ARHGAP24: variants seen among roughly 807,000 people sequenced by gnomAD.
The protein encoded by ARHGAP24 is Rho GTPase activating protein 24, also known as rho GTPase-activating protein 24.
ARHGAP24 carries 50 observed loss-of-function variants against 76.4 expected under a neutral mutation model. The observed-to-expected ratio is 0.65, with a 90% CI of 0.52 to 0.83. ARHGAP24 has a LOEUF of 0.83. Among genes scored for constraint, ARHGAP24 ranks in the 40% least tolerant of loss-of-function variants. ARHGAP24 has a pLI of 0.00. For missense variants in ARHGAP24, 930 were observed against 914.2 expected (o/e 1.02, Z -0.22); for synonymous variants, 345 against 323.3 (o/e 1.07, Z -0.72).
chr4:85,753,746 A>G (rs1030494304), intron 3 of ARHGAP24, among the ~76,000 whole-genome samples: 1 of 152,166 alleles, frequency 6.6e-6, no homozygotes, highest in African/African-American at 2.4e-5. Context: ...TGTGCTTATT[A>G]AGCAATGTCT....
At chr4:85,718,847 G>A (rs895734992) in intron 2 of ARHGAP24, among the ~76,000 whole-genome samples, 2 of 152,174 alleles carry the variant, frequency 1.3e-5, no homozygotes, top group African/African-American at 2.4e-5. Flanking sequence ...ACAAAGGATA[G>A]CATTACTTGG....
intron 3 of ARHGAP24, among the ~76,000 whole-genome samples, chr4:85,785,590 T>G (rs1727800613): frequency 6.6e-6 from 1 of 152,192 alleles, no homozygotes; most frequent in Admixed American, 6.6e-5. Flanking sequence ...ATAAACACTT[T>G]CCTTTGTTCA....
chr4:85,787,968 TAAG>T (rs1486622888), intron 3 of ARHGAP24, among the ~76,000 whole-genome samples: 2 of 152,142 alleles, frequency 1.3e-5, no homozygotes, highest in Non-Finnish European at 2.9e-5. Context: ...AATGGGTGTC[TAAG>T]AAGATGTGTC....
intron 1 of ARHGAP24, among the ~76,000 whole-genome samples, chr4:85,503,381 C>T (rs10003677): frequency 0.68 from 103,320 of 152,012 alleles, 36,608 homozygotes; most frequent in East Asian, 0.86. Flanking sequence ...TTAATTATTG[C>T]CTCAATTTCA....
intron 2 of ARHGAP24, among the ~76,000 whole-genome samples, chr4:85,628,306 G>A (rs1482312461): frequency 1.3e-5 from 2 of 152,140 alleles, no homozygotes; most frequent in African/African-American, 4.8e-5. Flanking sequence ...AATTTCTCCT[G>A]TCATTGATTT....
intron 2 of ARHGAP24, among the ~76,000 whole-genome samples, chr4:85,694,219 C>T (rs1723786344): frequency 6.6e-6 from 1 of 152,038 alleles, no homozygotes; most frequent in Non-Finnish European, 1.5e-5. Flanking sequence ...TCTAGTCAGC[C>T]ATCTTGTCCC....
At chr4:85,511,228 A>C (rs4611924) in intron 1 of ARHGAP24, among the ~76,000 whole-genome samples, 25,366 of 152,090 alleles carry the variant, frequency 0.17, 2,741 homozygotes, top group African/African-American at 0.3. Flanking sequence ...TGTCTTCTGG[A>C]GATCTTTATG....
At chr4:85,835,427 G>T (rs1268570900) in intron 3 of ARHGAP24, among the ~76,000 whole-genome samples, 2 of 151,476 alleles carry the variant, frequency 1.3e-5, no homozygotes, top group Non-Finnish European at 2.9e-5. Flanking sequence ...AGGCGTGGTG[G>T]CGGGCGTCTG....
chr4:85,903,277 A>C (rs1734601016), intron 3 of ARHGAP24, among the ~76,000 whole-genome samples: 1 of 152,206 alleles, frequency 6.6e-6, no homozygotes, highest in African/African-American at 2.4e-5. Flanking sequence ...ATTTTCTGAT[A>C]AATGCTAGAC....
intron 3 of ARHGAP24, among the ~76,000 whole-genome samples, chr4:85,752,888 A>G (rs1166487372): frequency 6.6e-6 from 1 of 152,240 alleles, no homozygotes; most frequent in East Asian, 1.9e-4. Flanking sequence ...ATCTGGCACT[A>G]GAGATACTTA....
rs138568771 is a variant in ARHGAP24 at position 85,974,888 on chromosome 4, G to A, written c.733G>A (p.Gly245Ser). Residue 245 changes from glycine to serine, a missense_variant and splice_region_variant, in exon 7 of 10, where the codon GGT (glycine) becomes AGT (serine). Gly to Ser is a moderately conservative substitution (Grantham distance 56, BLOSUM62 0). Transcript: ENST00000395184. The part of the protein sequence containing the change: ...AKLLSKEEEA[G>S]VKELAKQVKS... ...TATTTATTTTCTTCTTTGTACTCAGGGTGTTAAGGAATTAGCAAAGCAGGT... is the reference window on the plus strand; with the variant it reads ...TATTTATTTTCTTCTTTGTACTCAGAGTGTTAAGGAATTAGCAAAGCAGGT... The A allele has an allele frequency of 2.7e-5, 43 of 1,613,170 alleles. No homozygotes were observed. The highest frequency in any genetic ancestry group is 3.4e-5 in the Non-Finnish European group (40 of 1,179,530).
chr4:85,521,003 G>T (rs1396412110), intron 1 of ARHGAP24, among the ~76,000 whole-genome samples: 3 of 152,130 alleles, frequency 2.0e-5, no homozygotes, highest in Non-Finnish European at 4.4e-5. Context: ...TAGTTTAGAA[G>T]TTATTTTGTA....
At chr4:85,899,838 A>G (rs376752091) in intron 3 of ARHGAP24, among the ~76,000 whole-genome samples, 71 of 152,332 alleles carry the variant, frequency 4.7e-4, no homozygotes, top group African/African-American at 1.6e-3. Context: ...ACTTGAGCCT[A>G]AGAGTTTGAA....
rs568665826 is a variant in ARHGAP24 at position 85,886,479 on chromosome 4, A to G, written c.269-37169A>G. ...GGTGGTCCTGAAAGTACTAAGCCTT[A>G]TCATCATAGACCAGGCTTGTGTGTT... On this transcript the variant is annotated intron_variant, in intron 3 of 9. Transcript: ENST00000395184. 3.3e-4 allele frequency among the ~76,000 whole-genome samples: 51 copies of G among 152,280 alleles called. No homozygotes were observed. The South Asian group carries it at 0.011, about 32-fold the overall frequency.
chr4:85,673,877 C>G (rs1005706656), intron 2 of ARHGAP24, among the ~76,000 whole-genome samples: 1 of 151,844 alleles, frequency 6.6e-6, no homozygotes, highest in Admixed American at 6.6e-5. Context: ...TTTCTGAAAC[C>G]TGTGAATTTC....
At chr4:85,506,837 G>A (rs1333411395) in intron 1 of ARHGAP24, among the ~76,000 whole-genome samples, 1 of 152,156 alleles carries the variant, frequency 6.6e-6, no homozygotes, top group Non-Finnish European at 1.5e-5. Flanking sequence ...CAGTCACGCT[G>A]GGAGCTGCAG....
chr4:85,805,676 G>A (rs1728756936), intron 3 of ARHGAP24, among the ~76,000 whole-genome samples: 1 of 152,166 alleles, frequency 6.6e-6, no homozygotes, highest in Non-Finnish European at 1.5e-5. Flanking sequence ...GTGTGCCGCA[G>A]CATTAAAATG....
intron 6 of ARHGAP24, among the ~76,000 whole-genome samples, chr4:85,972,876 G>C (rs963929835): frequency 1.3e-5 from 2 of 151,944 alleles, no homozygotes; most frequent in African/African-American, 4.8e-5. Context: ...TTCTTTCACT[G>C]TTTTCAAAGT....
At chr4:85,900,236 T>A (rs1190432055) in intron 3 of ARHGAP24, among the ~76,000 whole-genome samples, 3 of 152,186 alleles carry the variant, frequency 2.0e-5, no homozygotes, top group African/African-American at 2.4e-5. Context: ...ATTATCAATA[T>A]CAGTATTCTA....
Sources: gnomAD v4.1 joint callset for allele counts (sites outside exome capture counted in the v4.1 genomes callset) on GRCh38, gnomAD v4.1.1 for gene constraint, MANE v1.5 for transcripts, NCBI Gene and HGNC (gene_info 2026-07-23, HGNC 2026-07-21) for gene names.